The following PHF20 variants were observed in gnomAD, a reference collection of about 807,000 sequenced individuals.
PHF20 encodes PHD finger protein 20.
In PHF20, 23 loss-of-function variants were observed where a neutral mutation model predicts 113.5. The ratio of observed to expected loss-of-function variants is 0.20; its 90% confidence interval spans 0.15 to 0.29. The LOEUF (loss-of-function observed/expected upper bound fraction) is 0.29. PHF20 is among the 10% of genes least tolerant of loss of function. The pLI, the probability that PHF20 is intolerant of heterozygous loss-of-function variation, is 1.00. For synonymous variants in PHF20, 434 were observed against 457.3 expected (o/e 0.95, Z 0.65); for missense variants, 943 against 1,219.6 (o/e 0.77, Z 3.38).
chr20:35,786,868 C>A (rs1029566686), intron 1 of PHF20, among the ~76,000 whole-genome samples: 1 of 152,098 alleles, frequency 6.6e-6, no homozygotes, highest in Admixed American at 6.6e-5. Context: ...TTCCTCTGCA[C>A]GCAAGGAGTA....
chr20:35,870,282 C>A (rs1351722189), intron 7 of PHF20, among the ~76,000 whole-genome samples: 1 of 122,682 alleles, frequency 8.2e-6, no homozygotes, highest in Non-Finnish European at 1.6e-5. Flanking sequence ...CCAGCCTGGG[C>A]GAGAGAGCGA....
chr20:35,821,067 TAAG>T (rs1447333435), intron 2 of PHF20, among the ~76,000 whole-genome samples: 3 of 151,964 alleles, frequency 2.0e-5, no homozygotes, highest in South Asian at 2.1e-4. Flanking sequence ...TCGGCCATAA[TAAG>T]GAGTTTGGAC....
At chr20:35,946,788 C>T (rs963095778) in intron 17 of PHF20, among the ~76,000 whole-genome samples, 5 of 151,722 alleles carry the variant, frequency 3.3e-5, no homozygotes, top group East Asian at 2.0e-4. Context: ...CGGCTCACTG[C>T]GACCTCCGCC....
chr20:35,813,086 G>A (rs1167717971), intron 2 of PHF20, among the ~76,000 whole-genome samples: 2 of 151,896 alleles, frequency 1.3e-5, no homozygotes, highest in Admixed American at 6.6e-5. Context: ...CTCCTGCCTC[G>A]GCCTCCCGAG....
At chr20:35,861,779 C>T (rs1206831099) in intron 5 of PHF20, among the ~76,000 whole-genome samples, 3 of 151,986 alleles carry the variant, frequency 2.0e-5, no homozygotes, top group African/African-American at 7.2e-5. Context: ...TGGCTGCTTT[C>T]AGAATAGTTT....
At chr20:35,928,300 A>G (rs1298028344) in intron 14 of PHF20, among the ~76,000 whole-genome samples, 1 of 151,968 alleles carries the variant, frequency 6.6e-6, no homozygotes, top group Non-Finnish European at 1.5e-5. Flanking sequence ...TTAGCTGGGC[A>G]TGGTGACAGG....
At chr20:35,818,452 G>A in intron 2 of PHF20, among the ~76,000 whole-genome samples, 1 of 152,076 alleles carries the variant, frequency 6.6e-6, no homozygotes. Flanking sequence ...GTAGAGGTGG[G>A]GTTTGCCATG....
chr20:35,898,609 G>T (rs2055035933), intron 9 of PHF20, among the ~76,000 whole-genome samples: 2 of 151,168 alleles, frequency 1.3e-5, no homozygotes, highest in African/African-American at 2.4e-5. Context: ...TAATTTTTTT[G>T]TTTGTTTGTT....
intron 1 of PHF20, among the ~76,000 whole-genome samples, chr20:35,785,537 C>A (rs1169046103): frequency 6.6e-6 from 1 of 151,820 alleles, no homozygotes; most frequent in African/African-American, 2.4e-5. Context: ...CCAGGCTGGT[C>A]TCGAACTCCT....
intron 10 of PHF20, among the ~76,000 whole-genome samples, chr20:35,905,206 A>T (rs2055181747): frequency 1.3e-5 from 2 of 152,188 alleles, no homozygotes; most frequent in South Asian, 4.1e-4. Context: ...AAAGCTCATA[A>T]ACAACGTGAG....
intron 1 of PHF20, among the ~76,000 whole-genome samples, chr20:35,786,295 G>A (rs2146838122): frequency 6.6e-6 from 1 of 152,246 alleles, no homozygotes; most frequent in East Asian, 1.9e-4. Flanking sequence ...GGAGGCTGAG[G>A]CAGGAGAATC....
In PHF20 at chr20:35,829,744, C is replaced by T. The variant is rs941361061; in HGVS notation, c.84-12829C>T. Among the ~76,000 whole-genome samples, 5 of 151,960 alleles carry T rather than the reference C, an allele frequency of 3.3e-5. No individual in the cohort carries two copies. In the East Asian group the frequency reaches 9.7e-4, roughly 30 times the overall value. On this transcript the variant is annotated intron_variant, in intron 2 of 17. Coordinates refer to ENST00000374012, the MANE Select transcript of PHF20 (RefSeq NM_016436.5). The stretch of plus-strand genomic sequence containing the variant: ...GCGCCATGGCTCATGCCTATAATCC[C>T]AGCACTTTGGGAGGCTGAGGCAGGC...
At position 35,886,320 on chromosome 20, in the gene PHF20, A is replaced by G. The variant is rs547847471; in HGVS notation, c.1283-13050A>G. 9.9e-5 allele frequency among the ~76,000 whole-genome samples: 15 copies of G among 151,538 alleles called. No homozygotes were observed. In the South Asian group the frequency reaches 3.1e-3, roughly 32 times the overall value. On this transcript the variant is annotated intron_variant, in intron 9 of 17. Coordinates refer to ENST00000374012, the MANE Select transcript of PHF20 (RefSeq NM_016436.5). ...TGCCCAGCTTTTTTTTTGTAGCTTTAGTAGAGACTGGTCCAGGCTGGTCTT... is the reference window on the plus strand; with the variant it reads ...TGCCCAGCTTTTTTTTTGTAGCTTTGGTAGAGACTGGTCCAGGCTGGTCTT...
chr20:35,796,277 A>G (rs2041665529), intron 1 of PHF20, among the ~76,000 whole-genome samples: 1 of 152,044 alleles, frequency 6.6e-6, no homozygotes, highest in African/African-American at 2.4e-5. Flanking sequence ...AATTTATTAC[A>G]TATTTGTTGA....
rs984167791 is a variant in PHF20, at chr20:35,950,114, A to G, written c.*2487A>G. 1.3e-5 allele frequency: 2 copies of G among 152,688 alleles called. No individual in the cohort carries two copies. Among genetic ancestry groups the G allele is most frequent in the East Asian group, 1.9e-4 (1 of 5,206 alleles). The allele number at this position is 152,688 out of a possible 1,614,324, so 9.5% of individuals were successfully genotyped here. On this transcript the variant is annotated 3_prime_UTR_variant, in exon 18 of 18. Transcript: ENST00000374012. The stretch of plus-strand genomic sequence containing the variant: ...TGCACTACCTAAGTTTTGTCTTTAG[A>G]AAAACTATCCACCTATAAAAAATTA...
At position 35,776,766 on chromosome 20, in the gene PHF20, T is replaced by C. The variant is rs569598468; in HGVS notation, c.-33+4687T>C. Among the ~76,000 whole-genome samples the C allele has an allele frequency of 1.3e-4, 20 of 152,314 alleles. 1 individual carries two copies. Among genetic ancestry groups the C allele is most frequent in the African/African-American group, 4.6e-4 (19 of 41,572 alleles). On this transcript the variant is annotated intron_variant, in intron 1 of 17. Coordinates refer to ENST00000374012, the MANE Select transcript of PHF20 (RefSeq NM_016436.5). The stretch of plus-strand genomic sequence containing the variant: ...AACGGATTTGATCTGGATTTGGCTC[T>C]AGTCCTAGCTCTTCCATTTACTGTG...
chr20:35,784,502 T>A (rs925551795), intron 1 of PHF20, among the ~76,000 whole-genome samples: 1 of 145,258 alleles, frequency 6.9e-6, no homozygotes, highest in African/African-American at 2.5e-5. Context: ...GGTGGCATGA[T>A]CTCTGCTTAC....
chr20:35,787,102 C>T (rs1304854909), intron 1 of PHF20, among the ~76,000 whole-genome samples: 2 of 151,774 alleles, frequency 1.3e-5, no homozygotes, highest in Non-Finnish European at 2.9e-5. Context: ...AGTGATTCTC[C>T]AGCCTCAGCC....
At chr20:35,940,694 A>T (rs2055960656) in intron 16 of PHF20, among the ~76,000 whole-genome samples, 170 bp from the exon 17 acceptor site, 1 of 152,192 alleles carries the variant, frequency 6.6e-6, no homozygotes, top group African/African-American at 2.4e-5. Flanking sequence ...TGGAATTGGT[A>T]CAGTGGGCAA....
Sources: allele counts gnomAD v4.1 joint callset (sites outside exome capture counted in the v4.1 genomes callset), GRCh38; gene constraint gnomAD v4.1.1; transcripts MANE v1.5; gene names NCBI Gene and HGNC (gene_info 2026-07-23, HGNC 2026-07-21).